The following OSBPL8 variants were observed in gnomAD, a reference collection of about 807,000 sequenced individuals.
The protein encoded by OSBPL8 is oxysterol-binding protein-related protein 8.
Under a neutral mutation model 125.5 loss-of-function variants are expected in OSBPL8, and 59 were observed. That is an observed-to-expected ratio of 0.47 (90% CI 0.38 to 0.58). The LOEUF (loss-of-function observed/expected upper bound fraction) is 0.58, where lower values mean the gene tolerates loss of function less well. Among genes scored for constraint, OSBPL8 ranks in the 20% least tolerant of loss-of-function variants. The pLI is 0.00. For missense variants in OSBPL8, 758 were observed against 1,047.8 expected (o/e 0.72, Z 3.82); for synonymous variants, 330 against 338.9 (o/e 0.97, Z 0.29).
Position 76,460,626 on chromosome 12 carries a change from A to C in OSBPL8, c.43-731T>G, listed in dbSNP as rs1874606672. On this transcript the variant is annotated intron_variant, in intron 2 of 23. Coordinates refer to ENST00000261183, the MANE Select transcript of OSBPL8 (RefSeq NM_020841.5). ...TGGTCTTTGGGAAGTCAGAAGACCC[A>C]ACCCTTGAATGAAGAACTTGCAATC... is the stretch of plus-strand genomic sequence containing the variant. 3.3e-5 allele frequency among the ~76,000 whole-genome samples: 5 copies of C among 152,202 alleles called. No homozygotes were observed. In the South Asian group the frequency reaches 8.3e-4, roughly 25 times the overall value.
chr12:76,373,595 T>C, intron 17 of OSBPL8, 162 bp from the exon 18 acceptor site: 1 of 472,648 alleles, frequency 2.1e-6, no homozygotes, highest in Non-Finnish European at 3.7e-6. Flanking sequence ...TAGAAATGTT[T>C]AATAAGAAAT....
chr12:76,399,288 A>G (rs1171623015), intron 7 of OSBPL8, among the ~76,000 whole-genome samples: 10 of 152,134 alleles, frequency 6.6e-5, no homozygotes, highest in Non-Finnish European at 4.4e-5. Flanking sequence ...GAGTCCTACG[A>G]GATCACTCTT....
chr12:76,510,677 C>T (rs781482381), intron 1 of OSBPL8, among the ~76,000 whole-genome samples: 8 of 151,970 alleles, frequency 5.3e-5, no homozygotes, highest in Admixed American at 1.3e-4. Flanking sequence ...GTTGGGAGTT[C>T]GGGACCAGCC....
Position 76,371,568 on chromosome 12 carries a change from A to G in OSBPL8, c.1934T>C (p.Ile645Thr). The G allele has an allele frequency of 6.2e-7, 1 of 1,603,486 alleles. No homozygotes were observed. Among genetic ancestry groups the G allele is most frequent in the Non-Finnish European group, 8.5e-7 (1 of 1,174,990 alleles). Residue 645 changes from isoleucine (I) to threonine (T), a missense_variant, in exon 19 of 24, where the codon ATT becomes ACT. Around this residue, in one of 3 missense-constraint regions of OSBPL8, gnomAD observed 572 missense variants for 762.0 expected, o/e 0.75. Transcript: ENST00000261183. ...LEGHWDSEVF[I>T]TDKKTDNSEV... ...TGAATTATCAGTCTTTTTATCAGTA[A>G]TAAAAACTTCACTATCCTATATTTA...
chr12:76,385,653 A>C (rs545631906), intron 14 of OSBPL8, among the ~76,000 whole-genome samples: 2 of 151,146 alleles, frequency 1.3e-5, no homozygotes, highest in Admixed American at 6.6e-5. Flanking sequence ...GTTTAGATAA[A>C]GAATAGCTAA....
chr12:76,358,750 T>A lies in OSBPL8; in HGVS notation c.2390A>T (p.Tyr797Phe), dbSNP rs777630269. 4.3e-6 allele frequency: 7 copies of A among 1,614,024 alleles called. No homozygotes were observed. Among genetic ancestry groups the A allele is most frequent in the East Asian group, 2.2e-5 (1 of 44,876 alleles). ...TRQQKKVAKG[Y>F]SSPEPDIQDS... ...TTGAATGTCAGGTTCTGGGGAGGAATAGCCTTTTGCTACTTTCTTCTGTTG... is the reference window on the plus strand; with the variant it reads ...TTGAATGTCAGGTTCTGGGGAGGAAAAGCCTTTTGCTACTTTCTTCTGTTG... Residue 797 changes from tyrosine to phenylalanine, a missense_variant, in exon 22 of 24, where the codon TAT (tyrosine) becomes TTT (phenylalanine). Tyr to Phe is a conservative substitution (Grantham distance 22). Around this residue, in one of 3 missense-constraint regions of OSBPL8, gnomAD observed 572 missense variants for 762.0 expected, o/e 0.75. Transcript: ENST00000261183.
chr12:76,471,816 T>C (rs986353084), intron 2 of OSBPL8, among the ~76,000 whole-genome samples: 2 of 152,246 alleles, frequency 1.3e-5, no homozygotes, highest in Non-Finnish European at 2.9e-5. Context: ...AAACATACCA[T>C]GTTGTTGAAC....
chr12:76,402,723 G>A lies in OSBPL8; in HGVS notation c.332C>T (p.Thr111Ile). The change falls in exon 6 of 24, where the codon ACT becomes ATT. Residue 111 changes from threonine (T) to isoleucine (I), a missense_variant. Transcript: ENST00000261183. ...LYNGSEKDSS[T>I]SSKLTKKESL... ...TTCTTTTTTTGTGAGTTTGCTTGAA[G>A]TTGAACTGTCCTTCTCTGAGCCATT... is the stretch of plus-strand genomic sequence containing the variant. 6.2e-7 allele frequency: 1 copy of A among 1,608,692 alleles called. No homozygotes were observed. The highest frequency in any genetic ancestry group is 8.5e-7 in the Non-Finnish European group (1 of 1,175,620).
At chr12:76,381,623 T>C (rs976237802) in intron 15 of OSBPL8, among the ~76,000 whole-genome samples, 22 of 152,216 alleles carry the variant, frequency 1.4e-4, no homozygotes, top group African/African-American at 5.3e-4. Context: ...TTTATCTCTA[T>C]TAACACTTTT....
intron 23 of OSBPL8, among the ~76,000 whole-genome samples, chr12:76,356,287 G>A (rs1592505000): frequency 6.6e-6 from 1 of 152,222 alleles, no homozygotes; most frequent in Non-Finnish European, 1.5e-5. Flanking sequence ...TAACAGCCAT[G>A]CACAGAGGGG....
chr12:76,436,728 C>T (rs1871500224), intron 4 of OSBPL8, among the ~76,000 whole-genome samples: 1 of 151,896 alleles, frequency 6.6e-6, no homozygotes, highest in East Asian at 1.9e-4. Context: ...CAGTAACAGT[C>T]CACAAACTAT....
At chr12:76,542,919 G>A (rs114473786) in intron 1 of OSBPL8, among the ~76,000 whole-genome samples, 4 of 152,260 alleles carry the variant, frequency 2.6e-5, no homozygotes, top group African/African-American at 9.6e-5. Flanking sequence ...CAAAGCCCAA[G>A]TTCCTTGATC....
At chr12:76,509,414 G>A (rs545065927) in intron 1 of OSBPL8, among the ~76,000 whole-genome samples, 26 of 152,168 alleles carry the variant, frequency 1.7e-4, no homozygotes, top group African/African-American at 6.3e-4. Context: ...TATAATGAGA[G>A]ATTATATACA....
At chr12:76,457,763 G>A (rs1044839226) in intron 3 of OSBPL8, among the ~76,000 whole-genome samples, 2 of 151,806 alleles carry the variant, frequency 1.3e-5, no homozygotes, top group African/African-American at 2.4e-5. Flanking sequence ...TCTTCTATTC[G>A]AAGTAAAAAA....
chr12:76,518,899 T>C (rs1881807612), intron 1 of OSBPL8, among the ~76,000 whole-genome samples: 1 of 152,170 alleles, frequency 6.6e-6, no homozygotes, highest in African/African-American at 2.4e-5. Flanking sequence ...TCTGGGCCTG[T>C]GATGGGAGAG....
chr12:76,453,639 A>C (rs1488414074), intron 3 of OSBPL8, among the ~76,000 whole-genome samples: 1 of 152,190 alleles, frequency 6.6e-6, no homozygotes, highest in South Asian at 2.1e-4. Flanking sequence ...GAATAAGAGA[A>C]TATCTTCATA....
chr12:76,512,845 T>A (rs1477455307), intron 1 of OSBPL8, among the ~76,000 whole-genome samples: 1 of 152,236 alleles, frequency 6.6e-6, no homozygotes, highest in African/African-American at 2.4e-5. Context: ...TTTGTCTGCA[T>A]CTTTTCTGAT....
chr12:76,466,696 T>C (rs1035490709), intron 2 of OSBPL8, among the ~76,000 whole-genome samples: 2 of 152,134 alleles, frequency 1.3e-5, no homozygotes, highest in South Asian at 2.1e-4. Context: ...CGGTGGCTCA[T>C]GCCTGTAATC....
At chr12:76,465,417 G>A (rs1331764438) in intron 2 of OSBPL8, among the ~76,000 whole-genome samples, 2 of 151,856 alleles carry the variant, frequency 1.3e-5, no homozygotes, top group Non-Finnish European at 2.9e-5. Context: ...AAAATTAGCC[G>A]GGCGTGGTGG....
Sources: allele counts gnomAD v4.1 joint callset (sites outside exome capture counted in the v4.1 genomes callset), GRCh38; gene constraint gnomAD v4.1.1; regional missense constraint gnomAD v4.1.1; transcripts MANE v1.5; gene names NCBI Gene and HGNC (gene_info 2026-07-23, HGNC 2026-07-21).